Variants in FGD3 observed in about 807,000 individuals in gnomAD.
The protein encoded by FGD3 is FYVE, RhoGEF and PH domain-containing protein 3.
In FGD3, 45 loss-of-function variants were observed where a neutral mutation model predicts 71.8. That is an observed-to-expected ratio of 0.63 (90% CI 0.49 to 0.80). The LOEUF (loss-of-function observed/expected upper bound fraction) is 0.80, where lower values mean the gene tolerates loss of function less well. FGD3 is among the 30% of genes least tolerant of loss of function. The pLI is 0.00. For synonymous variants in FGD3, 378 were observed against 392.8 expected (o/e 0.96, Z 0.44); for missense variants, 844 against 951.5 (o/e 0.89, Z 1.49).
intron 15 of FGD3, 53 bp from the exon 16 acceptor site, chr9:93,032,716 G>A: frequency 1.9e-6 from 3 of 1,566,444 alleles, no homozygotes; most frequent in Admixed American, 3.3e-5. Context: ...GCATCTTCCT[G>A]GATAATCCTC....
chr9:93,033,913 G>C (rs1862478092), intron 16 of FGD3: 1 of 152,298 alleles, frequency 6.6e-6, no homozygotes, highest in African/African-American at 2.4e-5. Context: ...GGTGAAGAAG[G>C]ACCTTGCACT....
intron 3 of FGD3, among the ~76,000 whole-genome samples, chr9:92,998,835 C>T (rs769675659): frequency 5.9e-5 from 9 of 152,286 alleles, no homozygotes; most frequent in Admixed American, 1.3e-4. Flanking sequence ...CTTCTGGAAG[C>T]TTTGTCTCAG....
intron 1 of FGD3, among the ~76,000 whole-genome samples, chr9:92,973,171 G>A (rs1407469260): frequency 1.5e-5 from 2 of 135,426 alleles, no homozygotes; most frequent in African/African-American, 5.7e-5. Context: ...CTGGAGTGCA[G>A]TTGTGCAATT....
chr9:92,964,826 CG>C (rs901713643), intron 1 of FGD3, among the ~76,000 whole-genome samples: 2 of 152,052 alleles, frequency 1.3e-5, no homozygotes, highest in African/African-American at 4.8e-5. Flanking sequence ...GCCTGGGGGG[CG>C]GGGGGTAGCG....
chr9:93,007,736 T>C (rs1000822522), intron 6 of FGD3, among the ~76,000 whole-genome samples: 10 of 152,228 alleles, frequency 6.6e-5, no homozygotes, highest in African/African-American at 2.4e-4. Flanking sequence ...AGGCAGGCTG[T>C]GGGGAGGGCT....
chr9:93,012,854 C>T (rs1861489813), intron 8 of FGD3, among the ~76,000 whole-genome samples: 1 of 152,074 alleles, frequency 6.6e-6, no homozygotes, highest in African/African-American at 2.4e-5. Context: ...TGGGACATGA[C>T]AGGTGCACAC....
intron 8 of FGD3, among the ~76,000 whole-genome samples, chr9:93,011,935 G>A (rs1442901527): frequency 3.3e-5 from 5 of 151,610 alleles, no homozygotes; most frequent in African/African-American, 1.2e-4. Flanking sequence ...GAGGCGGGTG[G>A]ATCATGAGGT....
At chr9:92,950,946 C>T (rs1185573751) in intron 1 of FGD3, among the ~76,000 whole-genome samples, 1 of 152,122 alleles carries the variant, frequency 6.6e-6, no homozygotes, top group Non-Finnish European at 1.5e-5. Flanking sequence ...GGCTTCTCCC[C>T]AAGATCTGGC....
intron 3 of FGD3, among the ~76,000 whole-genome samples, chr9:92,995,876 C>T (rs1860621484): frequency 6.6e-6 from 1 of 152,152 alleles, no homozygotes; most frequent in Admixed American, 6.6e-5. Flanking sequence ...ATTCAGTTTG[C>T]CAGTATTTTA....
chr9:93,030,722 G>A (rs35556051), intron 15 of FGD3, among the ~76,000 whole-genome samples: 2 of 144,174 alleles, frequency 1.4e-5, no homozygotes, highest in African/African-American at 5.0e-5. Context: ...GGGCAGCAGG[G>A]GGGGGGGAAT....
chr9:93,010,148 T>C lies in FGD3; in HGVS notation c.838-98T>C. On this transcript the variant is annotated intron_variant, in intron 6 of 17. Transcript: ENST00000375482. ...GGACAGTCAGTTCTGGGCAGCCAGT[T>C]CCGGGCAGCTTCCTGGGGCTGTGGT... is the stretch of plus-strand genomic sequence containing the variant. 2.7e-6 allele frequency: 4 copies of C among 1,454,758 alleles called. No homozygotes were observed. The East Asian group carries it at 9.5e-5, about 35-fold the overall frequency. 90.1% of individuals were successfully genotyped at this position (1,454,758 alleles called of 1,614,324 possible).
chr9:93,030,600 T>C (rs745814290), intron 15 of FGD3, among the ~76,000 whole-genome samples: 26 of 152,130 alleles, frequency 1.7e-4, no homozygotes, highest in Non-Finnish European at 2.6e-4. Context: ...GAATCTGTGT[T>C]AGCAACTGGA....
chr9:92,983,351 T>C (rs1860066552), intron 3 of FGD3, among the ~76,000 whole-genome samples: 1 of 151,246 alleles, frequency 6.6e-6, no homozygotes, highest in African/African-American at 2.4e-5. Context: ...TGAAACCCCG[T>C]CTCTACTAAA....
chr9:93,032,994 A>C (rs771064743), intron 16 of FGD3, 121 bp downstream of exon 16: 3 of 987,678 alleles, frequency 3.0e-6, no homozygotes, highest in Non-Finnish European at 4.8e-6. Flanking sequence ...ACCAGGATAG[A>C]TGTGGGTGTG....
At chr9:93,024,980 G>A (rs1041348791) in intron 14 of FGD3, among the ~76,000 whole-genome samples, 2 of 152,214 alleles carry the variant, frequency 1.3e-5, no homozygotes, top group South Asian at 2.1e-4. Context: ...GCTGTCAGGC[G>A]CTGCTGGCCA....
Position 93,013,966 on chromosome 9 carries a change from A to T in FGD3, c.1150A>T (p.Asn384Tyr). 1 of 1,611,250 alleles carries T rather than the reference A, an allele frequency of 6.2e-7. No homozygotes were observed. The highest frequency in any genetic ancestry group is 8.5e-7 in the Non-Finnish European group (1 of 1,178,932). The part of the protein sequence containing the change: ...EGQIQKLSAK[N>Y]GTPQDRHLFL... ...CCAAATCCAGAAACTGTCAGCCAAG[A>T]ACGGCACCCCCCAGGACCGCCACCT... The change falls in exon 9 of 18, where the codon AAC becomes TAC. Residue 384 changes from asparagine to tyrosine, a missense_variant. Physicochemically the swap from Asn to Tyr is moderately radical, Grantham distance 143. Coordinates refer to ENST00000375482, the MANE Select transcript of FGD3 (RefSeq NM_001083536.2).
intron 1 of FGD3, among the ~76,000 whole-genome samples, chr9:92,956,148 C>A (rs762621037): frequency 1.4e-4 from 22 of 152,070 alleles, no homozygotes; most frequent in Non-Finnish European, 2.8e-4. Context: ...TGTTTGTTTT[C>A]GCTTCTTGGC....
intron 14 of FGD3, among the ~76,000 whole-genome samples, chr9:93,028,333 A>G (rs1250747144): frequency 1.2e-4 from 11 of 95,466 alleles, no homozygotes; most frequent in African/African-American, 7.2e-4. Context: ...GTTTTCTTTT[A>G]AACAGGAAAA....
chr9:93,031,199 G>A (rs1862344774), intron 15 of FGD3, among the ~76,000 whole-genome samples: 1 of 152,144 alleles, frequency 6.6e-6, no homozygotes, highest in South Asian at 2.1e-4. Flanking sequence ...TCTCAGTTTG[G>A]GACCCAGTTT....
Sources: gnomAD v4.1 joint callset for allele counts (sites outside exome capture counted in the v4.1 genomes callset) on GRCh38, gnomAD v4.1.1 for gene constraint, MANE v1.5 for transcripts, NCBI Gene and HGNC (gene_info 2026-07-23, HGNC 2026-07-21) for gene names.